MEIOSIN: variants seen among roughly 807,000 people sequenced by gnomAD.
MEIOSIN encodes the protein meiosis initiator.
A neutral mutation model predicts 23.4 loss-of-function variants in MEIOSIN; 18 were observed. The observed-to-expected ratio is 0.77, with a 90% confidence interval of 0.53 to 1.14. The LOEUF is 1.14. Ranked by LOEUF, MEIOSIN falls within the 50% of genes most tolerant of loss-of-function variation. The probability of loss-of-function intolerance (pLI) is 0.00; values close to 1 mark genes in which losing one functional copy is unlikely to be tolerated. For missense variants in MEIOSIN, 428 were observed against 242.9 expected (o/e 1.76, Z -5.07); for synonymous variants, 187 against 100.6 (o/e 1.86, Z -5.14).
At chr19:45,734,670 ATT>A (rs34632029) in intron 1 of MEIOSIN, among the ~76,000 whole-genome samples, 10 of 137,828 alleles carry the variant, frequency 7.3e-5, no homozygotes, top group Non-Finnish European at 6.3e-5. Context: ...TGCCCAGGTA[ATT>A]TTTTTTTTTT....
Position 45,764,105 on chromosome 19 carries a change from C to T in MEIOSIN, c.1904C>T (p.Pro635Leu), listed in dbSNP as rs757115528. The change falls in exon 15 of 15, where the codon CCG becomes CTG. Residue 635 changes from proline to leucine, a missense_variant. Transcript: ENST00000457052. Reference protein sequence around the residue: ...LLAEKALPLPPHLQ With the variant: ...LLAEKALPLPLHLQ ...GCCGAGAAGGCCTTGCCGCTGCCCCCGCACCTCCAGTGAGAGGGCGGCCCC... is the reference window on the plus strand; with the variant it reads ...GCCGAGAAGGCCTTGCCGCTGCCCCTGCACCTCCAGTGAGAGGGCGGCCCC... 3.0e-5 allele frequency: 12 copies of T among 398,518 alleles called. No individual in the cohort carries two copies. Among genetic ancestry groups the T allele is most frequent in the East Asian group, 7.1e-5 (2 of 28,090 alleles). 24.7% of individuals were successfully genotyped at this position (398,518 alleles called of 1,614,324 possible).
intron 5 of MEIOSIN, among the ~76,000 whole-genome samples, chr19:45,751,959 C>G (rs553994271): frequency 3.4e-4 from 52 of 151,322 alleles, no homozygotes; most frequent in African/African-American, 1.2e-3. Flanking sequence ...TCTCAAACTC[C>G]TGACCTCAGG....
Position 45,755,565 on chromosome 19 carries a change from C to T in MEIOSIN, c.803-405C>T, listed in dbSNP as rs937644280. ...CCTCCCAGGTTCAAACAATTCTCTG[C>T]CTCAGCCTCCTGAGTAGCTGGGACA... On this transcript the variant is annotated intron_variant, in intron 7 of 14. Coordinates refer to ENST00000457052, the MANE Select transcript of MEIOSIN (RefSeq NM_001310124.2). Among the ~76,000 whole-genome samples, 5 of 152,272 alleles carry T rather than the reference C, an allele frequency of 3.3e-5. No individual in the cohort carries two copies. The South Asian group carries it at 6.2e-4, about 19-fold the overall frequency.
At chr19:45,755,264 C>G (rs527700712) in intron 7 of MEIOSIN, among the ~76,000 whole-genome samples, 1 of 151,434 alleles carries the variant, frequency 6.6e-6, no homozygotes, top group African/African-American at 2.4e-5. Context: ...ACTCTCCTGC[C>G]TCAGTCTCAC....
chr19:45,753,762 GGAA>G lies in MEIOSIN; in HGVS notation c.538_540del (p.Lys180del), dbSNP rs1237140755. On this transcript the variant is annotated inframe_deletion, in exon 6 of 15. Coordinates refer to ENST00000457052, the MANE Select transcript of MEIOSIN (RefSeq NM_001310124.2). ...CTCCAGGGGGCGTGCCAGAAGCCTC[GGAA>G]GAAGAAGCTGACCCAGGCATCAGGT... 4 of 702,752 alleles carry G rather than the reference GGAA, an allele frequency of 5.7e-6. No homozygotes were observed. Among genetic ancestry groups the G allele is most frequent in the Admixed American group, 4.0e-5 (2 of 49,968 alleles). The allele number at this position is 702,752 out of a possible 1,614,324, so 43.5% of individuals were successfully genotyped here. A position where few individuals can be genotyped will look rare whatever the true frequency, so the allele number is the denominator to read the frequency against.
At chr19:45,738,583 C>T (rs76320948) in intron 2 of MEIOSIN, among the ~76,000 whole-genome samples, 3,297 of 152,286 alleles carry the variant, frequency 0.022, 54 homozygotes, top group Non-Finnish European at 0.036. Flanking sequence ...CGCGCCGCTG[C>T]GCTCCAGCAA....
chr19:45,761,588 T>A, intron 11 of MEIOSIN, 91 bp from the exon 12 acceptor site: 1 of 621,702 alleles, frequency 1.6e-6, no homozygotes, highest in South Asian at 1.8e-5. Context: ...CTGCTGCTAA[T>A]GCTCATGTTA....
At chr19:45,734,896 T>G (rs1490685575) in intron 1 of MEIOSIN, among the ~76,000 whole-genome samples, 1 of 151,290 alleles carries the variant, frequency 6.6e-6, no homozygotes, top group Non-Finnish European at 1.5e-5. Flanking sequence ...GGGGTTTGTT[T>G]TTGTTTTTGT....
intron 11 of MEIOSIN, among the ~76,000 whole-genome samples, chr19:45,761,188 G>A (rs1380429600): frequency 2.0e-5 from 3 of 149,984 alleles, no homozygotes; most frequent in East Asian, 2.0e-4. Flanking sequence ...GCAGTGGTAC[G>A]ATCTCGGCTC....
intron 3 of MEIOSIN, among the ~76,000 whole-genome samples, chr19:45,743,190 G>A (rs1020430049): frequency 6.6e-6 from 1 of 152,078 alleles, no homozygotes; most frequent in Non-Finnish European, 1.5e-5. Flanking sequence ...TACCCAGAAG[G>A]TTCACCCTGT....
intron 3 of MEIOSIN, among the ~76,000 whole-genome samples, chr19:45,742,126 T>C (rs2146177458): frequency 6.6e-6 from 1 of 152,248 alleles, no homozygotes; most frequent in South Asian, 2.1e-4. Context: ...TCCACCTGCC[T>C]TGGCCTCCCA....
chr19:45,752,228 T>C (rs1285449427), intron 5 of MEIOSIN, among the ~76,000 whole-genome samples: 1 of 151,768 alleles, frequency 6.6e-6, no homozygotes, highest in Non-Finnish European at 1.5e-5. Flanking sequence ...TAATTTTCTT[T>C]TTTTTGAGAT....
At chr19:45,736,340 C>T (rs9807819) in intron 2 of MEIOSIN, among the ~76,000 whole-genome samples, 49,238 of 151,952 alleles carry the variant, frequency 0.32, 8,148 homozygotes, top group Non-Finnish European at 0.36. Context: ...CCACGCCCAA[C>T]TGACATTCTG....
intron 13 of MEIOSIN, 70 bp downstream of exon 13, chr19:45,762,253 C>G: frequency 9.9e-6 from 4 of 403,958 alleles, no homozygotes; most frequent in Non-Finnish European, 1.7e-5. Context: ...CCTGGCCATG[C>G]CGCTCCTCAC....
At chr19:45,744,631 G>A (rs111950254) in intron 3 of MEIOSIN, among the ~76,000 whole-genome samples, 105 of 151,720 alleles carry the variant, frequency 6.9e-4, no homozygotes, top group African/African-American at 2.5e-3. Flanking sequence ...ATTTTGAGAC[G>A]GAGTCTTACT....
intron 11 of MEIOSIN, among the ~76,000 whole-genome samples, chr19:45,759,787 ATTTATTTTATTTTATTTTAT>A (rs141892717): frequency 6.7e-6 from 1 of 150,166 alleles, no homozygotes; most frequent in Middle Eastern, 3.4e-3. Flanking sequence ...CATTTTATTC[ATTTATTTTATTTTATTTTAT>A]TTTATTTTAT....
rs1968783787 is a variant in MEIOSIN, at chr19:45,754,665, G to A, written c.743G>A (p.Gly248Glu). 1.4e-6 allele frequency: 1 copy of A among 702,968 alleles called. No individual in the cohort carries two copies. Among genetic ancestry groups the A allele is most frequent in the Non-Finnish European group, 2.6e-6 (1 of 385,040 alleles). 43.5% of individuals were successfully genotyped at this position (702,968 alleles called of 1,614,324 possible). The change falls in exon 7 of 15, where the codon GGA becomes GAA. Residue 248 changes from glycine to glutamate, a missense_variant. By Grantham distance (98) the Gly-to-Glu change is moderately conservative. Transcript: ENST00000457052. ...TCACCTCCAGGTGACAGAAAAGGAG[G>A]ACAGTCCCAGCTGACGCTGTTGGAT... The part of the protein sequence containing the change: ...SSSPPGDRKG[G>E]QSQLTLLDLA...
At chr19:45,745,881 C>T (rs1476515455) in intron 4 of MEIOSIN, among the ~76,000 whole-genome samples, 3 of 151,998 alleles carry the variant, frequency 2.0e-5, no homozygotes, top group Non-Finnish European at 4.4e-5. Flanking sequence ...CAAATTTATT[C>T]TCTTATGGTT....
At position 45,735,546 on chromosome 19, in the gene MEIOSIN, G is replaced by T; in HGVS notation, c.71+99G>T. On this transcript the variant is annotated intron_variant, in intron 2 of 14. Coordinates refer to ENST00000457052, the MANE Select transcript of MEIOSIN (RefSeq NM_001310124.2). ...GCATTTACCGTTTGCTAGACTCTTT[G>T]CCAAACATTTTGTTTGTATGATAAC... is the stretch of plus-strand genomic sequence containing the variant. 5 of 622,646 alleles carry T rather than the reference G, an allele frequency of 8.0e-6. No individual in the cohort carries two copies. In the South Asian group the frequency reaches 9.0e-5, roughly 11 times the overall value. 38.6% of individuals were successfully genotyped at this position (622,646 alleles called of 1,614,324 possible). A position where few individuals can be genotyped will look rare whatever the true frequency, so the allele number is the denominator to read the frequency against.
Sources: gnomAD v4.1 joint callset for allele counts (sites outside exome capture counted in the v4.1 genomes callset) on GRCh38, gnomAD v4.1.1 for gene constraint, MANE v1.5 for transcripts, NCBI Gene and HGNC (gene_info 2026-07-23, HGNC 2026-07-21) for gene names.